Variants in LPCAT2 observed in about 807,000 individuals in gnomAD.
LPCAT2 encodes the protein lysophosphatidylcholine acyltransferase 2.
Under a neutral mutation model 64.7 loss-of-function variants are expected in LPCAT2, and 58 were observed. The ratio of observed to expected loss-of-function variants is 0.90; its 90% CI spans 0.73 to 1.12. The LOEUF (loss-of-function observed/expected upper bound fraction) is 1.12. LPCAT2 is among the 50% of genes most tolerant of loss of function. The pLI, the probability that LPCAT2 is intolerant of heterozygous loss-of-function variation, is 0.00. For synonymous variants in LPCAT2, 252 were observed against 245.3 expected (o/e 1.03, Z -0.26); for missense variants, 579 against 669.8 (o/e 0.86, Z 1.50).
intron 6 of LPCAT2, among the ~76,000 whole-genome samples, chr16:55,533,943 TC>T (rs1963290442): frequency 6.6e-6 from 1 of 152,192 alleles, no homozygotes; most frequent in African/African-American, 2.4e-5. Flanking sequence ...ATTGATCAAA[TC>T]AGTTTTCTAT....
intron 1 of LPCAT2, among the ~76,000 whole-genome samples, chr16:55,517,786 A>G (rs1285187114): frequency 6.6e-6 from 1 of 152,190 alleles, no homozygotes; most frequent in Non-Finnish European, 1.5e-5. Flanking sequence ...AAACCACTCA[A>G]TAAACTAAGA....
intron 13 of LPCAT2, among the ~76,000 whole-genome samples, chr16:55,581,597 A>G (rs1426552885): frequency 6.6e-6 from 1 of 152,136 alleles, no homozygotes; most frequent in African/African-American, 2.4e-5. Flanking sequence ...TAGGTAGCCT[A>G]ATGTGTCATG....
intron 8 of LPCAT2, chr16:55,541,998 G>T: frequency 8.6e-7 from 1 of 1,159,708 alleles, no homozygotes. Flanking sequence ...CTGTTACAAG[G>T]AAAAAATAAA....
rs1257474343 is a variant in LPCAT2, at chr16:55,584,650, A to T, written c.*1552A>T. On this transcript the variant is annotated 3_prime_UTR_variant, in exon 14 of 14. Transcript: ENST00000262134. ...GTATTGGTGATTCACCCCCAAGCTA[A>T]TTTTTTAAAGTCATTTTTGAAGTTG... 2.0e-5 allele frequency: 3 copies of T among 152,136 alleles called. No homozygotes were observed. Among genetic ancestry groups the T allele is most frequent in the Non-Finnish European group, 4.4e-5 (3 of 68,012 alleles). 9.4% of individuals were successfully genotyped at this position (152,136 alleles called of 1,614,324 possible).
At chr16:55,543,347 T>G (rs1358575500) in intron 8 of LPCAT2, among the ~76,000 whole-genome samples, 1 of 152,200 alleles carries the variant, frequency 6.6e-6, no homozygotes, top group East Asian at 1.9e-4. Flanking sequence ...TTTCATTGTA[T>G]TATGTTTGGT....
At chr16:55,561,104 T>C (rs1284686795) in intron 11 of LPCAT2, among the ~76,000 whole-genome samples, 1 of 152,072 alleles carries the variant, frequency 6.6e-6, no homozygotes, top group Admixed American at 6.6e-5. Context: ...CTTCTTTCAC[T>C]TAGCATAATG....
Position 55,530,005 on chromosome 16 carries a change from T to C in LPCAT2, c.642+58T>C, listed in dbSNP as rs1963231358. On this transcript the variant is annotated intron_variant, in intron 4 of 13. Transcript: ENST00000262134. Reference sequence around the variant, plus strand: ...TGGGAGTTTATTAATTGTATGTATGTAGACTTACTCATTTGGATCCACAGA... The same window carrying C: ...TGGGAGTTTATTAATTGTATGTATGCAGACTTACTCATTTGGATCCACAGA... 4 of 1,264,172 alleles carry C rather than the reference T, an allele frequency of 3.2e-6. No individual in the cohort carries two copies. In the Admixed American group the frequency reaches 8.3e-5, roughly 26 times the overall value. The allele number at this position is 1,264,172 out of a possible 1,614,324, so 78.3% of individuals were successfully genotyped here. A position where few individuals can be genotyped will look rare whatever the true frequency, so the allele number is the denominator to read the frequency against.
chr16:55,526,369 A>C (rs377226584), intron 2 of LPCAT2, among the ~76,000 whole-genome samples: 14 of 152,266 alleles, frequency 9.2e-5, no homozygotes, highest in Admixed American at 2.6e-4. Context: ...ATTCCATGTG[A>C]ATTCCAAATC....
At chr16:55,570,915 ATAGAG>A (rs1173769063) in intron 11 of LPCAT2, among the ~76,000 whole-genome samples, 1 of 152,166 alleles carries the variant, frequency 6.6e-6, no homozygotes, top group Non-Finnish European at 1.5e-5. Flanking sequence ...CTTTGGATTT[ATAGAG>A]TATCTCTGAC....
Position 55,583,026 on chromosome 16 carries a change from C to G in LPCAT2, c.1563C>G (p.Thr521=), listed in dbSNP as rs751267460. Reference sequence around the variant, plus strand: ...CATTACCAAAAGAAGTCCAGACAACCCCCTCCACCGCCAGTAATAAAGTCA... The same window carrying G: ...CATTACCAAAAGAAGTCCAGACAACGCCCTCCACCGCCAGTAATAAAGTCA... ...VFSLPKEVQT[T]PSTASNKVSP... The change falls in exon 14 of 14, where the codon ACC becomes ACG. Residue 521 remains threonine, a synonymous_variant. Coordinates refer to ENST00000262134, the MANE Select transcript of LPCAT2 (RefSeq NM_017839.5). 4 of 1,613,790 alleles carry G rather than the reference C, an allele frequency of 2.5e-6. No individual in the cohort carries two copies. Among genetic ancestry groups the G allele is most frequent in the Non-Finnish European group, 3.4e-6 (4 of 1,179,824 alleles).
rs930002917 is a variant in LPCAT2, at chr16:55,576,946, C to T, written c.1315-2163C>T. Among the ~76,000 whole-genome samples, 4 of 152,266 alleles carry T rather than the reference C, an allele frequency of 2.6e-5. No homozygotes were observed. In the South Asian group the frequency reaches 8.3e-4, roughly 32 times the overall value. ...TATACAGAAGTGAGAGACACCAAAGCACCAAACCTGGCAAGAATTTAGACT... is the reference window on the plus strand; with the variant it reads ...TATACAGAAGTGAGAGACACCAAAGTACCAAACCTGGCAAGAATTTAGACT... On this transcript the variant is annotated intron_variant, in intron 12 of 13. Coordinates refer to ENST00000262134, the MANE Select transcript of LPCAT2 (RefSeq NM_017839.5).
At chr16:55,567,772 A>C (rs1439590866) in intron 11 of LPCAT2, 1 of 367,196 alleles carries the variant, frequency 2.7e-6, no homozygotes, top group Non-Finnish European at 5.1e-6. Flanking sequence ...TGTGGGGTAG[A>C]GTTCTAATGG....
At chr16:55,545,909 C>T (rs1297869135) in intron 9 of LPCAT2, 92 bp downstream of exon 9, 5 of 861,102 alleles carry the variant, frequency 5.8e-6, no homozygotes, top group African/African-American at 5.2e-5. Context: ...TTTTTGACCC[C>T]TGAAGGCCTC....
At chr16:55,536,223 C>T (rs1488423489) in intron 7 of LPCAT2, among the ~76,000 whole-genome samples, 1 of 152,034 alleles carries the variant, frequency 6.6e-6, no homozygotes, top group Non-Finnish European at 1.5e-5. Flanking sequence ...GATTTTATAC[C>T]AAAACGAATA....
Position 55,550,953 on chromosome 16 carries a change from G to T in LPCAT2, c.1066G>T (p.Asp356Tyr). 2 of 1,595,382 alleles carry T rather than the reference G, an allele frequency of 1.3e-6. No homozygotes were observed. The highest frequency in any genetic ancestry group is 1.7e-4 in the Middle Eastern group (1 of 5,986). ...FTKISRKLKL[D>Y]WDGVRKHLDE... is the part of the protein sequence containing the mutation. ...TATAATTCTTTGTTTGTTTAGATTA[G>T]ATTGGGATGGTGTTCGTAAGCATTT... The change falls in exon 11 of 14, where the codon GAT becomes TAT. Residue 356 changes from aspartate (D) to tyrosine (Y), a missense_variant. Asp to Tyr is a radical substitution (Grantham distance 160). Transcript: ENST00000262134.
chr16:55,538,637 A>AC (rs1417498028), intron 8 of LPCAT2: 1 of 136,856 alleles, frequency 7.3e-6, no homozygotes, highest in Non-Finnish European at 1.5e-5. Flanking sequence ...TATTTCATAC[A>AC]CCCCCACTTT....
At chr16:55,538,012 G>A (rs1963345323) in intron 8 of LPCAT2, among the ~76,000 whole-genome samples, 1 of 152,204 alleles carries the variant, frequency 6.6e-6, no homozygotes, top group Non-Finnish European at 1.5e-5. Flanking sequence ...GCTACTTGGG[G>A]TCTAGGGGAG....
At chr16:55,535,384 A>G (rs1245297324) in intron 7 of LPCAT2, among the ~76,000 whole-genome samples, 1 of 152,226 alleles carries the variant, frequency 6.6e-6, no homozygotes, top group Admixed American at 6.5e-5. Context: ...GTATATATAC[A>G]TTGCTTTGAA....
chr16:55,542,067 A>T (rs947292823), intron 8 of LPCAT2: 3 of 878,856 alleles, frequency 3.4e-6, no homozygotes, highest in Non-Finnish European at 4.5e-6. Flanking sequence ...AGTAGAAAGG[A>T]ATGTGCTTGA....
Sources: gnomAD v4.1 joint callset for allele counts (sites outside exome capture counted in the v4.1 genomes callset) on GRCh38, gnomAD v4.1.1 for gene constraint, MANE v1.5 for transcripts, NCBI Gene and HGNC (gene_info 2026-07-23, HGNC 2026-07-21) for gene names.